Variants in MEGF11 observed in about 807,000 individuals in gnomAD.
The protein encoded by MEGF11 is multiple EGF like domains 11, also known as multiple epidermal growth factor-like domains protein 11.
MEGF11 carries 126 observed loss-of-function variants against 146.6 expected under a neutral mutation model. That is an observed-to-expected ratio of 0.86 (90% CI 0.74 to 1.00). The LOEUF is 1.00. Among genes scored for constraint, MEGF11 ranks in the 50% least tolerant of loss-of-function variants. The pLI is 0.00. For missense variants in MEGF11, 1,509 were observed against 1,521.2 expected (o/e 0.99, Z 0.13); for synonymous variants, 532 against 583.4 (o/e 0.91, Z 1.27).
chr15:65,945,188 G>A (rs1488816428), intron 10 of MEGF11, among the ~76,000 whole-genome samples: 1 of 152,196 alleles, frequency 6.6e-6, no homozygotes, highest in African/African-American at 2.4e-5. Context: ...GAGCCACCGT[G>A]CCCAGCCCCT....
chr15:65,957,456 G>T (rs2080694748), intron 10 of MEGF11, 91 bp downstream of exon 10: 1 of 1,281,026 alleles, frequency 7.8e-7, no homozygotes, highest in African/African-American at 1.5e-5. Context: ...AGGCAGCTGG[G>T]TGCAGGGCCA....
chr15:65,929,748 A>G lies in MEGF11; in HGVS notation c.1544T>C (p.Leu515Pro). 1 of 1,552,522 alleles carries G rather than the reference A, an allele frequency of 6.4e-7. No homozygotes were observed. Among genetic ancestry groups the G allele is most frequent in the Non-Finnish European group, 8.7e-7 (1 of 1,147,498 alleles). ...DGSCSCTPGW[L>P]GDTCELPCPD... ...GCAAGGCAGCTCACAGGTGTCTCCC[A>G]GCCAGCCAGGAGTGCAGGAGCAGGA... Residue 515 changes from leucine (L) to proline (P), a missense_variant, in exon 12 of 26, where the codon CTG becomes CCG. Leu to Pro is a moderately conservative substitution (Grantham distance 98). Transcript: ENST00000395614.
intron 1 of MEGF11, among the ~76,000 whole-genome samples, chr15:66,212,994 C>T (rs750584747): frequency 2.0e-5 from 3 of 152,084 alleles, no homozygotes; most frequent in Middle Eastern, 3.2e-3. Context: ...TGTAGATCTG[C>T]GAGGGAGGGC....
chr15:66,059,685 A>G (rs1293781189), intron 5 of MEGF11, among the ~76,000 whole-genome samples: 3 of 151,982 alleles, frequency 2.0e-5, no homozygotes, highest in Non-Finnish European at 4.4e-5. Flanking sequence ...GAGGGTGAGC[A>G]GAGGGAGAGA....
intron 6 of MEGF11, among the ~76,000 whole-genome samples, chr15:65,981,437 G>T (rs1286728533): frequency 2.0e-5 from 3 of 152,164 alleles, no homozygotes; most frequent in Admixed American, 2.0e-4. Flanking sequence ...GGCAGGATTT[G>T]CATGGGGTCT....
chr15:65,995,776 C>T (rs2082178515), intron 5 of MEGF11, among the ~76,000 whole-genome samples: 1 of 152,134 alleles, frequency 6.6e-6, no homozygotes, highest in South Asian at 2.1e-4. Flanking sequence ...AAATGACTTC[C>T]TTACTGGCAG....
intron 5 of MEGF11, among the ~76,000 whole-genome samples, chr15:66,086,255 A>C (rs977663805): frequency 2.0e-5 from 3 of 152,234 alleles, no homozygotes; most frequent in African/African-American, 7.2e-5. Flanking sequence ...TTATCAACAA[A>C]AACTTCCCTG....
intron 1 of MEGF11, among the ~76,000 whole-genome samples, chr15:66,211,358 C>A (rs537846997): frequency 4.6e-5 from 7 of 151,842 alleles, no homozygotes; most frequent in African/African-American, 1.7e-4. Flanking sequence ...CCCGTCTCTA[C>A]TAAAAATACA....
intron 23 of MEGF11, among the ~76,000 whole-genome samples, chr15:65,908,493 C>T (rs1031020362): frequency 6.6e-6 from 1 of 152,234 alleles, no homozygotes; most frequent in Non-Finnish European, 1.5e-5. Context: ...TCAGCCCAGG[C>T]TGTACTCAGT....
chr15:66,225,257 T>A (rs1003173376), intron 1 of MEGF11, among the ~76,000 whole-genome samples: 1 of 152,216 alleles, frequency 6.6e-6, no homozygotes, highest in Admixed American at 6.5e-5. Context: ...CCATTTCCCA[T>A]CCTGGGGAAG....
chr15:65,999,370 G>A (rs1175879938), intron 5 of MEGF11, among the ~76,000 whole-genome samples: 1 of 152,070 alleles, frequency 6.6e-6, no homozygotes, highest in Non-Finnish European at 1.5e-5. Context: ...CTACATGAGG[G>A]GGGCTTCTCC....
chr15:66,235,060 C>T (rs1531498), intron 1 of MEGF11, among the ~76,000 whole-genome samples: 69,842 of 152,052 alleles, frequency 0.46, 17,006 homozygotes, highest in East Asian at 0.68. Context: ...GGGGGCGCCA[C>T]GCTTTCCCTG....
At chr15:66,018,335 C>A (rs2082968271) in intron 5 of MEGF11, among the ~76,000 whole-genome samples, 1 of 152,236 alleles carries the variant, frequency 6.6e-6, no homozygotes, top group African/African-American at 2.4e-5. Flanking sequence ...CCCAGCTGTG[C>A]TCTTCAGGAG....
At chr15:65,965,604 TTTTTTTTTC>T (rs1567180076) in intron 8 of MEGF11, among the ~76,000 whole-genome samples, 43 of 16,688 alleles carry the variant, frequency 2.6e-3, no homozygotes, top group African/African-American at 5.5e-3. Flanking sequence ...TTCTTTCTTT[TTTTTTTTTC>T]TTTTTTTTTT....
intron 1 of MEGF11, among the ~76,000 whole-genome samples, chr15:66,160,637 G>A (rs1360187876): frequency 6.7e-6 from 1 of 148,814 alleles, no homozygotes; most frequent in East Asian, 2.0e-4. Context: ...CCTACTATAT[G>A]CCAGGCACTG....
At chr15:65,946,258 G>A (rs190301727) in intron 10 of MEGF11, among the ~76,000 whole-genome samples, 142 of 152,274 alleles carry the variant, frequency 9.3e-4, no homozygotes, top group Admixed American at 3.0e-3. Flanking sequence ...AAACATCCAC[G>A]TGTGAGGCGA....
At chr15:65,949,790 G>A (rs1466397838) in intron 10 of MEGF11, among the ~76,000 whole-genome samples, 1 of 152,240 alleles carries the variant, frequency 6.6e-6, no homozygotes, top group Admixed American at 6.5e-5. Context: ...CACCAAGGTG[G>A]CAGTAATTAG....
At chr15:66,029,233 C>T (rs1326012794) in intron 5 of MEGF11, among the ~76,000 whole-genome samples, 1 of 151,898 alleles carries the variant, frequency 6.6e-6, no homozygotes, top group Non-Finnish European at 1.5e-5. Flanking sequence ...GCCCATGCTA[C>T]CCTGTGGTGT....
At chr15:66,147,618 G>A (rs1214103589) in intron 1 of MEGF11, among the ~76,000 whole-genome samples, 1 of 152,208 alleles carries the variant, frequency 6.6e-6, no homozygotes, top group Non-Finnish European at 1.5e-5. Flanking sequence ...GGCAGAGTGG[G>A]TGCCAAGGCC....
Sources: allele counts gnomAD v4.1 joint callset (sites outside exome capture counted in the v4.1 genomes callset), GRCh38; gene constraint gnomAD v4.1.1; transcripts MANE v1.5; gene names NCBI Gene and HGNC (gene_info 2026-07-23, HGNC 2026-07-21).